The following VRK2 variants were observed in gnomAD, a reference collection of about 807,000 sequenced individuals.
The protein encoded by VRK2 is VRK serine/threonine kinase 2.
A neutral mutation model predicts 57.6 loss-of-function variants in VRK2; 60 were observed. The observed-to-expected ratio is 1.04, with a 90% CI of 0.85 to 1.29. VRK2 has a LOEUF of 1.29. Ranked by LOEUF, VRK2 falls within the 50% of genes most tolerant of loss-of-function variation. VRK2 has a pLI of 0.00. For synonymous variants in VRK2, 231 were observed against 199.2 expected (o/e 1.16, Z -1.35); for missense variants, 705 against 588.1 (o/e 1.20, Z -2.06).
At chr2:58,120,191 T>C (rs560563130) in intron 7 of VRK2, among the ~76,000 whole-genome samples, 3 of 115,258 alleles carry the variant, frequency 2.6e-5, no homozygotes, top group African/African-American at 9.2e-5. Context: ...TTTCTTTTTT[T>C]TTTTTTTTTT....
chr2:58,129,620 A>G (rs1193794924), intron 8 of VRK2, among the ~76,000 whole-genome samples: 1 of 152,200 alleles, frequency 6.6e-6, no homozygotes, highest in African/African-American at 2.4e-5. Flanking sequence ...CATCTAGAAC[A>G]TTTGTTTTTA....
intron 9 of VRK2, among the ~76,000 whole-genome samples, chr2:58,134,227 C>G (rs954902348): frequency 6.6e-6 from 1 of 152,158 alleles, no homozygotes; most frequent in Non-Finnish European, 1.5e-5. Flanking sequence ...AGGCATTAAA[C>G]TTAGGAAGGT....
At chr2:58,141,047 C>T (rs1486201340) in intron 11 of VRK2, among the ~76,000 whole-genome samples, 2 of 152,010 alleles carry the variant, frequency 1.3e-5, no homozygotes, top group African/African-American at 4.8e-5. Flanking sequence ...TTACGTATTG[C>T]AGAAGGCAGA....
At chr2:57,965,990 G>T (rs59871174) in intron 1 of VRK2, among the ~76,000 whole-genome samples, 3,945 of 152,254 alleles carry the variant, frequency 0.026, 163 homozygotes, top group African/African-American at 0.09. Context: ...GTTATCTCAA[G>T]TTAAAATAAC....
At chr2:58,134,617 CA>C (rs70954875) in intron 9 of VRK2, among the ~76,000 whole-genome samples, 927 of 73,086 alleles carry the variant, frequency 0.013, 5 homozygotes, top group Non-Finnish European at 0.02. Flanking sequence ...GACTCCGTCT[CA>C]AAAAAAAAAA....
chr2:58,056,817 GA>G (rs902880223), intron 2 of VRK2, among the ~76,000 whole-genome samples: 3 of 152,158 alleles, frequency 2.0e-5, no homozygotes, highest in African/African-American at 7.2e-5. Flanking sequence ...TTGGTCTAAC[GA>G]AAAGGCAAGC....
At chr2:58,121,099 C>A (rs1213521547) in intron 7 of VRK2, among the ~76,000 whole-genome samples, 2 of 152,158 alleles carry the variant, frequency 1.3e-5, no homozygotes, top group Non-Finnish European at 2.9e-5. Flanking sequence ...CTTCATTTTA[C>A]TACACAAGCC....
chr2:58,113,262 CTG>C (rs564989706), intron 7 of VRK2, among the ~76,000 whole-genome samples: 217 of 150,010 alleles, frequency 1.4e-3, no homozygotes, highest in African/African-American at 5.2e-3. Context: ...TGAGCTGAGA[CTG>C]TGCCACTGCA....
intron 1 of VRK2, among the ~76,000 whole-genome samples, chr2:58,005,187 A>G (rs1041210861): frequency 2.6e-5 from 4 of 152,222 alleles, no homozygotes; most frequent in Non-Finnish European, 5.9e-5. Context: ...ATTTATATGC[A>G]AAAACTATTT....
Position 58,131,826 on chromosome 2 carries a change from A to T in VRK2, c.695A>T (p.Asp232Val). The T allele has an allele frequency of 1.2e-6, 2 of 1,613,186 alleles. No individual in the cohort carries two copies. The highest frequency in any genetic ancestry group is 1.7e-6 in the Non-Finnish European group (2 of 1,179,612). The change falls in exon 9 of 13, where the codon GAC becomes GTC. Residue 232 changes from aspartate (D) to valine (V), a missense_variant. Asp to Val is a radical substitution (Grantham distance 152). Coordinates refer to ENST00000340157, the MANE Select transcript of VRK2 (RefSeq NM_006296.7). The part of the protein sequence containing the change: ...HKGVALSRRS[D>V]VEILGYCMLR... ...CCTATAGCCTTGTCCAGACGAAGTG[A>T]CGTTGAGATCCTCGGCTACTGCATG...
chr2:58,092,572 T>A (rs1235286866), intron 7 of VRK2, among the ~76,000 whole-genome samples: 1 of 152,216 alleles, frequency 6.6e-6, no homozygotes, highest in African/African-American at 2.4e-5. Flanking sequence ...AAGTGTATGT[T>A]TCACATGGAA....
At chr2:57,980,670 T>A (rs1672394165) in intron 1 of VRK2, among the ~76,000 whole-genome samples, 1 of 152,208 alleles carries the variant, frequency 6.6e-6, no homozygotes, top group African/African-American at 2.4e-5. Flanking sequence ...GTTATGTGTC[T>A]CTTCAAGGTC....
At chr2:58,096,339 C>T (rs1310631094) in intron 7 of VRK2, among the ~76,000 whole-genome samples, 1 of 152,046 alleles carries the variant, frequency 6.6e-6, no homozygotes, top group Non-Finnish European at 1.5e-5. Flanking sequence ...ATTTCTGTTA[C>T]ATTGGAACCA....
chr2:57,928,129 T>C (rs541999065), intron 1 of VRK2, among the ~76,000 whole-genome samples: 1 of 152,280 alleles, frequency 6.6e-6, no homozygotes, highest in South Asian at 2.1e-4. Flanking sequence ...TACTCCTATC[T>C]CTCTACCTTC....
chr2:57,991,554 T>C (rs1360728006), intron 1 of VRK2, among the ~76,000 whole-genome samples: 5 of 152,144 alleles, frequency 3.3e-5, no homozygotes, highest in Admixed American at 3.3e-4. Flanking sequence ...GTCCAAAGAA[T>C]GTTCATAGAC....
chr2:58,041,175 A>C (rs1674441012), intron 3 of VRK2: 1 of 589,672 alleles, frequency 1.7e-6, no homozygotes, highest in Admixed American at 6.4e-5. Flanking sequence ...ACTTTTGGCT[A>C]GTCAATATTT....
chr2:58,090,273 G>A (rs1467934108), intron 7 of VRK2, among the ~76,000 whole-genome samples: 1 of 151,994 alleles, frequency 6.6e-6, no homozygotes, highest in Admixed American at 6.6e-5. Flanking sequence ...GTGGGTGCCT[G>A]TAATCCCAGC....
At chr2:58,144,224 G>A (rs1681776916) in intron 11 of VRK2, among the ~76,000 whole-genome samples, 1 of 151,876 alleles carries the variant, frequency 6.6e-6, no homozygotes, top group African/African-American at 2.4e-5. Context: ...GCATAGAACA[G>A]TATTTGTCGG....
At chr2:57,981,645 C>A (rs116640253) in intron 1 of VRK2, among the ~76,000 whole-genome samples, 2,396 of 152,254 alleles carry the variant, frequency 0.016, 62 homozygotes, top group African/African-American at 0.055. Context: ...ACATTGCTTG[C>A]TTTCTCTCCA....
Sources: allele counts gnomAD v4.1 joint callset (sites outside exome capture counted in the v4.1 genomes callset), GRCh38; gene constraint gnomAD v4.1.1; transcripts MANE v1.5; gene names NCBI Gene and HGNC (gene_info 2026-07-23, HGNC 2026-07-21).